UBE2E2: variants seen among roughly 807,000 people sequenced by gnomAD.
UBE2E2 encodes the protein ubiquitin-conjugating enzyme E2 E2.
UBE2E2 carries 6 observed loss-of-function variants against 24.7 expected under a neutral mutation model. That is an observed-to-expected ratio of 0.24 (90% CI 0.13 to 0.48). The LOEUF is 0.48. UBE2E2 is among the 20% of genes least tolerant of loss of function. The pLI is 0.99. For missense variants in UBE2E2, 169 were observed against 245.0 expected, an observed-to-expected ratio of 0.69 and a Z score of 2.07; for synonymous variants, 104 against 83.6, an observed-to-expected ratio of 1.24 and a Z score of -1.33.
At chr3:23,570,988 G>C (rs1002640328) in intron 5 of UBE2E2, among the ~76,000 whole-genome samples, 2 of 152,140 alleles carry the variant, frequency 1.3e-5, no homozygotes, top group African/African-American at 4.8e-5. Flanking sequence ...TGCATTTCAA[G>C]TTGCCAACAT....
At chr3:23,261,753 A>G (rs903422478) in intron 3 of UBE2E2, among the ~76,000 whole-genome samples, 1 of 152,200 alleles carries the variant, frequency 6.6e-6, no homozygotes, top group African/African-American at 2.4e-5. Context: ...ACTTAGCATA[A>G]TGCGCTTCAG....
At chr3:23,213,453 T>G (rs1696383420) in intron 2 of UBE2E2, among the ~76,000 whole-genome samples, 1 of 152,088 alleles carries the variant, frequency 6.6e-6, no homozygotes, top group Non-Finnish European at 1.5e-5. Flanking sequence ...AGCATTCTTA[T>G]TGTAGTCTTA....
chr3:23,549,950 T>C (rs888898264), intron 5 of UBE2E2, among the ~76,000 whole-genome samples: 1 of 151,414 alleles, frequency 6.6e-6, no homozygotes, highest in African/African-American at 2.4e-5. Context: ...GGAGAATCGC[T>C]TAAACCTAGG....
At chr3:23,579,803 A>G (rs1484574236) in intron 5 of UBE2E2, among the ~76,000 whole-genome samples, 1 of 152,234 alleles carries the variant, frequency 6.6e-6, no homozygotes, top group Non-Finnish European at 1.5e-5. Context: ...CCTTGTGTAA[A>G]GGATTCACCA....
At chr3:23,535,589 A>G (rs890338454) in intron 5 of UBE2E2, among the ~76,000 whole-genome samples, 30 of 136,696 alleles carry the variant, frequency 2.2e-4, no homozygotes, top group Non-Finnish European at 4.1e-4. Context: ...CCACTTCATG[A>G]TGGTGTTTAT....
At chr3:23,370,054 A>G (rs1426252983) in intron 3 of UBE2E2, among the ~76,000 whole-genome samples, 1 of 152,310 alleles carries the variant, frequency 6.6e-6, no homozygotes, top group South Asian at 2.1e-4. Flanking sequence ...ATTTCTCAAA[A>G]GCTATATCAA....
chr3:23,419,433 A>T (rs1697740040), intron 3 of UBE2E2, among the ~76,000 whole-genome samples: 1 of 152,182 alleles, frequency 6.6e-6, no homozygotes. Context: ...AACATGTAGT[A>T]CACTTTCTTT....
intron 5 of UBE2E2, among the ~76,000 whole-genome samples, chr3:23,571,267 T>C: frequency 6.8e-6 from 1 of 146,678 alleles, no homozygotes; most frequent in East Asian, 2.0e-4. Flanking sequence ...TCCCCTCACC[T>C]GTGTGCTCCT....
intron 3 of UBE2E2, among the ~76,000 whole-genome samples, chr3:23,271,639 C>A (rs536194247): frequency 6.6e-6 from 1 of 152,282 alleles, no homozygotes; most frequent in Admixed American, 6.5e-5. Context: ...CTGAGCTAGA[C>A]ACAGAGTGCT....
chr3:23,356,597 C>G (rs1266547150), intron 3 of UBE2E2, among the ~76,000 whole-genome samples: 7 of 152,164 alleles, frequency 4.6e-5, no homozygotes, highest in Admixed American at 3.9e-4. Flanking sequence ...AACTTCTCAT[C>G]TTTCTTTTAT....
chr3:23,427,429 AAGAG>A (rs1328092216), intron 3 of UBE2E2, among the ~76,000 whole-genome samples: 1 of 152,100 alleles, frequency 6.6e-6, no homozygotes, highest in Non-Finnish European at 1.5e-5. Context: ...CTGATAATCT[AAGAG>A]AGAAAATGGA....
At chr3:23,427,480 A>G (rs1468578512) in intron 3 of UBE2E2, among the ~76,000 whole-genome samples, 1 of 152,180 alleles carries the variant, frequency 6.6e-6, no homozygotes. Flanking sequence ...AAGGCAGAAA[A>G]GGAGTGAAAG....
chr3:23,533,118 T>C (rs1695163798), intron 5 of UBE2E2, among the ~76,000 whole-genome samples: 1 of 152,142 alleles, frequency 6.6e-6, no homozygotes, highest in Non-Finnish European at 1.5e-5. Flanking sequence ...GACGTGACCT[T>C]TTTGGCATCC....
intron 3 of UBE2E2, among the ~76,000 whole-genome samples, chr3:23,404,504 A>T (rs1170071193): frequency 6.6e-6 from 1 of 152,140 alleles, no homozygotes; most frequent in African/African-American, 2.4e-5. Context: ...GAGAGCTCTG[A>T]GTTCATTTTT....
intron 5 of UBE2E2, among the ~76,000 whole-genome samples, chr3:23,587,827 G>C (rs537971191): frequency 6.6e-6 from 1 of 152,286 alleles, no homozygotes; most frequent in South Asian, 2.1e-4. Flanking sequence ...CAACATCTGA[G>C]AAAATGAAGA....
rs1699095743 is a variant in UBE2E2 at position 23,474,965 on chromosome 3, T to A, written c.228-24643T>A. On this transcript the variant is annotated intron_variant, in intron 3 of 5. Coordinates refer to ENST00000396703, the MANE Select transcript of UBE2E2 (RefSeq NM_152653.4). This position sits in a 1 kb window ranked among gnomAD's most constrained non-coding sequence, Gnocchi z 4.0. ...ATGACAAGCATTTCACTCAAATTGCTCCTCTCAAAGTCACCAACTGCATTT... is the reference window on the plus strand; with the variant it reads ...ATGACAAGCATTTCACTCAAATTGCACCTCTCAAAGTCACCAACTGCATTT... Among the ~76,000 whole-genome samples, 1 of 152,092 alleles carries A rather than the reference T, an allele frequency of 6.6e-6. No homozygotes were observed. The highest frequency in any genetic ancestry group is 1.5e-5 in the Non-Finnish European group (1 of 68,040).
At chr3:23,287,262 G>T (rs1291557320) in intron 3 of UBE2E2, among the ~76,000 whole-genome samples, 1 of 152,068 alleles carries the variant, frequency 6.6e-6, no homozygotes, top group Admixed American at 6.6e-5. Flanking sequence ...TGCATCCCTG[G>T]GATAAATTCC....
intron 3 of UBE2E2, among the ~76,000 whole-genome samples, chr3:23,470,494 A>C (rs1411998672): frequency 6.6e-6 from 1 of 152,232 alleles, no homozygotes; most frequent in East Asian, 1.9e-4. Flanking sequence ...TATTTTGAAC[A>C]TCTTATTTGT....
chr3:23,247,789 T>C lies in UBE2E2; in HGVS notation c.227+30477T>C, dbSNP rs542316337. Among the ~76,000 whole-genome samples the C allele has an allele frequency of 5.3e-5, 8 of 152,332 alleles. 1 individual carries two copies. The highest frequency in any genetic ancestry group is 1.9e-4 in the African/African-American group (8 of 41,560). On this transcript the variant is annotated intron_variant, in intron 3 of 5. Coordinates refer to ENST00000396703, the MANE Select transcript of UBE2E2 (RefSeq NM_152653.4). ...GCCACTCTACCCCAGAAATTGCTTA[T>C]GAAATAATTCTGGCATTTACTCCTT...
Sources: gnomAD v4.1 joint callset for allele counts (sites outside exome capture counted in the v4.1 genomes callset) on GRCh38, gnomAD v4.1.1 for gene constraint, Gnocchi (gnomAD v3.1) non-coding constraint, MANE v1.5 for transcripts, NCBI Gene and HGNC (gene_info 2026-07-23, HGNC 2026-07-21) for gene names.